ANKFN1: variants seen among roughly 807,000 people sequenced by gnomAD.
ANKFN1 encodes ankyrin repeat and fibronectin type III domain containing 1, also known as ankyrin repeat and fibronectin type-III domain-containing protein 1.
In ANKFN1, 74 loss-of-function variants were observed where a neutral mutation model predicts 108.7. The ratio of observed to expected loss-of-function variants is 0.68; its 90% CI spans 0.56 to 0.83. ANKFN1 has a LOEUF of 0.83. Among genes scored for constraint, ANKFN1 ranks in the 40% least tolerant of loss-of-function variants. The pLI is 0.00. For synonymous variants in ANKFN1, 547 were observed against 516.2 expected (o/e 1.06, Z -0.81); for missense variants, 1,505 against 1,382.3 (o/e 1.09, Z -1.41).
intron 1 of ANKFN1, among the ~76,000 whole-genome samples, chr17:56,182,927 A>G (rs1240931985): frequency 6.6e-6 from 1 of 152,160 alleles, no homozygotes; most frequent in Non-Finnish European, 1.5e-5. Flanking sequence ...CTTTGCCTGT[A>G]CTCTATAAAT....
intron 2 of ANKFN1, among the ~76,000 whole-genome samples, chr17:56,221,374 T>C (rs948046389): frequency 2.0e-5 from 3 of 152,200 alleles, no homozygotes; most frequent in Admixed American, 1.3e-4. Flanking sequence ...TCTGCTTGTA[T>C]ATATGCCTAT....
chr17:56,298,186 A>G (rs952395436), intron 3 of ANKFN1, among the ~76,000 whole-genome samples: 2 of 152,232 alleles, frequency 1.3e-5, no homozygotes, highest in African/African-American at 4.8e-5. Flanking sequence ...AGCAATTGAT[A>G]TAGAGCCCAA....
chr17:56,396,512 A>G (rs902573971), intron 8 of ANKFN1, among the ~76,000 whole-genome samples: 8 of 152,138 alleles, frequency 5.3e-5, no homozygotes, highest in African/African-American at 1.7e-4. Context: ...TTACATCCCA[A>G]AGAAATCTAC....
intron 4 of ANKFN1, among the ~76,000 whole-genome samples, chr17:56,066,718 C>G (rs1005466814): frequency 6.6e-5 from 10 of 152,180 alleles, no homozygotes; most frequent in Admixed American, 6.5e-4. Flanking sequence ...AACTCTGTAC[C>G]CATTAAACAA....
At chr17:56,505,165 C>T (rs1376326647) in intron 20 of ANKFN1, among the ~76,000 whole-genome samples, 1 of 152,118 alleles carries the variant, frequency 6.6e-6, no homozygotes, top group Non-Finnish European at 1.5e-5. Context: ...AGTCAAATAT[C>T]AGCAAAGATA....
At chr17:56,133,251 A>G (rs1907389551) in intron 4 of ANKFN1, among the ~76,000 whole-genome samples, 1 of 152,144 alleles carries the variant, frequency 6.6e-6, no homozygotes, top group South Asian at 2.1e-4. Context: ...GCCTTTCCTC[A>G]AGTGAACAGG....
intron 8 of ANKFN1, among the ~76,000 whole-genome samples, chr17:56,402,841 G>T (rs919979349): frequency 6.6e-6 from 1 of 152,032 alleles, no homozygotes; most frequent in Non-Finnish European, 1.5e-5. Context: ...TAGGCATTTA[G>T]GGCTATGAAC....
At chr17:56,386,502 A>C (rs956743834) in intron 8 of ANKFN1, among the ~76,000 whole-genome samples, 4 of 151,932 alleles carry the variant, frequency 2.6e-5, no homozygotes, top group African/African-American at 9.6e-5. Flanking sequence ...AAGAAAAAAA[A>C]GAAAAACTTT....
intron 3 of ANKFN1, chr17:56,228,282 T>C (rs1046512095): frequency 7.9e-6 from 2 of 252,410 alleles, no homozygotes; most frequent in Non-Finnish European, 7.4e-6. Flanking sequence ...TTCTCTCAAA[T>C]GACTAATTTA....
intron 3 of ANKFN1, among the ~76,000 whole-genome samples, chr17:56,290,479 C>T (rs558726159): frequency 4.1e-4 from 62 of 152,234 alleles, no homozygotes; most frequent in African/African-American, 1.3e-3. Context: ...CTCTTTAGAT[C>T]GAATCTATAT....
chr17:56,418,893 A>G (rs2048317439), intron 8 of ANKFN1, among the ~76,000 whole-genome samples: 2 of 152,070 alleles, frequency 1.3e-5, no homozygotes, highest in South Asian at 2.1e-4. Context: ...GGATCTGCGC[A>G]ATTTGTAGAA....
At chr17:56,426,207 C>T (rs2048564773) in intron 8 of ANKFN1, among the ~76,000 whole-genome samples, 1 of 152,210 alleles carries the variant, frequency 6.6e-6, no homozygotes, top group African/African-American at 2.4e-5. Flanking sequence ...TCCTGTCCCA[C>T]CTTGGTTACT....
chr17:56,112,404 T>C (rs1906019430), intron 4 of ANKFN1, among the ~76,000 whole-genome samples: 1 of 152,042 alleles, frequency 6.6e-6, no homozygotes, highest in Non-Finnish European at 1.5e-5. Flanking sequence ...CTCTGGTCTT[T>C]TCTTTTTTCT....
At chr17:56,377,275 A>C (rs1472017523) in intron 8 of ANKFN1, among the ~76,000 whole-genome samples, 1 of 152,156 alleles carries the variant, frequency 6.6e-6, no homozygotes, top group Non-Finnish European at 1.5e-5. Context: ...CCATCAACAT[A>C]TTGTTTTATA....
intron 19 of ANKFN1, among the ~76,000 whole-genome samples, chr17:56,494,926 C>T (rs111384267): frequency 2.6e-5 from 4 of 152,110 alleles, no homozygotes; most frequent in African/African-American, 9.7e-5. Flanking sequence ...TATTCCTACT[C>T]CCTGACTACT....
At chr17:56,422,930 G>A (rs1293778539) in intron 8 of ANKFN1, among the ~76,000 whole-genome samples, 1 of 152,150 alleles carries the variant, frequency 6.6e-6, no homozygotes, top group Non-Finnish European at 1.5e-5. Flanking sequence ...CAAAGTCCTG[G>A]TGCTGCCCTA....
chr17:56,249,349 G>T (rs894711359), intron 3 of ANKFN1, among the ~76,000 whole-genome samples: 1 of 151,948 alleles, frequency 6.6e-6, no homozygotes, highest in Non-Finnish European at 1.5e-5. Context: ...CAGGAGAATC[G>T]CTTGAACTTG....
intron 1 of ANKFN1, among the ~76,000 whole-genome samples, chr17:56,193,580 TA>T (rs1211179679): frequency 0.031 from 4,432 of 140,886 alleles, 183 homozygotes; most frequent in African/African-American, 0.1. Flanking sequence ...TGTAGCGTTT[TA>T]AAAAAAAAAA....
chr17:56,065,440 A>G (rs369108049), intron 4 of ANKFN1, among the ~76,000 whole-genome samples: 41 of 152,250 alleles, frequency 2.7e-4, no homozygotes, highest in African/African-American at 8.4e-4. Context: ...TACATTCACA[A>G]CTTGTCTTGC....
Sources: gnomAD v4.1 joint callset for allele counts (sites outside exome capture counted in the v4.1 genomes callset) on GRCh38, gnomAD v4.1.1 for gene constraint, MANE v1.5 for transcripts, NCBI Gene and HGNC (gene_info 2026-07-23, HGNC 2026-07-21) for gene names.